The following NBDY variants were observed in gnomAD, a reference collection of about 807,000 sequenced individuals.
NBDY encodes negative regulator of P-body association.
At chrX:56,751,402 G>A (rs935756867) in intron 2 of NBDY, among the ~76,000 whole-genome samples, 2 of 111,472 alleles carry the variant, frequency 1.8e-5, no homozygotes, top group African/African-American at 3.3e-5. Flanking sequence ...ACAATAACTT[G>A]GTGAATGTAC....
Position 56,804,180 on chromosome X carries a change from C to T in NBDY, c.*167-13140C>T, listed in dbSNP as rs561493868. Among the ~76,000 whole-genome samples the T allele has an allele frequency of 8.8e-4, 99 of 112,077 alleles. 1 individual carries two copies. The South Asian group carries it at 0.036, about 41-fold the overall frequency. ...CCAGGCTGCCTGCTTGTGAGCACTA[C>T]GCTTGTAAATAGGGAACACACTGTT... On this transcript the variant is annotated intron_variant, in intron 2 of 2. Transcript: ENST00000374922.
At position 56,817,555 on chromosome X, in the gene NBDY, A is replaced by G. The variant is rs746651018; in HGVS notation, c.*402A>G. ...TTCCTATAAATCCATTAAGGCCCCA[A>G]TAAAGTTTGTCTCTAAGCGCTGTGT... On this transcript the variant is annotated 3_prime_UTR_variant, in exon 3 of 3. Transcript: ENST00000374922. 1 of 112,038 alleles carries G rather than the reference A, an allele frequency of 8.9e-6. No homozygotes were observed. Among genetic ancestry groups the G allele is most frequent in the Non-Finnish European group, 1.9e-5 (1 of 53,253 alleles). 9.2% of individuals were successfully genotyped at this position (112,038 alleles called of 1,213,427 possible). A position where few individuals can be genotyped will look rare whatever the true frequency, so the allele number is the denominator to read the frequency against.
chrX:56,783,064 A>G (rs1418041525), intron 2 of NBDY, among the ~76,000 whole-genome samples: 1 of 112,314 alleles, frequency 8.9e-6, no homozygotes, highest in Non-Finnish European at 1.9e-5. Flanking sequence ...CACACACAAC[A>G]CCTCAGGCAC....
At chrX:56,808,706 C>T (rs918913544) in intron 2 of NBDY, among the ~76,000 whole-genome samples, 1 of 111,725 alleles carries the variant, frequency 9.0e-6, no homozygotes, top group Non-Finnish European at 1.9e-5. Flanking sequence ...TTTCAAAAAA[C>T]GAGCTCCTGG....
chrX:56,742,966 T>C (rs2069538679), intron 2 of NBDY, among the ~76,000 whole-genome samples: 1 of 111,538 alleles, frequency 9.0e-6, no homozygotes, highest in African/African-American at 3.3e-5. Context: ...GGGTCTGTTA[T>C]ATATGGGTTT....
At chrX:56,803,248 G>T (rs1315330260) in intron 2 of NBDY, among the ~76,000 whole-genome samples, 1 of 111,841 alleles carries the variant, frequency 8.9e-6, no homozygotes, top group Non-Finnish European at 1.9e-5. Context: ...GGCAGGAAGG[G>T]GCGGCCCTCC....
intron 2 of NBDY, among the ~76,000 whole-genome samples, chrX:56,751,088 A>T (rs2069582593): frequency 9.0e-6 from 1 of 110,615 alleles, no homozygotes; most frequent in South Asian, 3.8e-4. Context: ...ATCAAGCCTT[A>T]TCTGTTGCCA....
At chrX:56,815,387 G>A (rs1331374771) in intron 2 of NBDY, among the ~76,000 whole-genome samples, 2 of 111,290 alleles carry the variant, frequency 1.8e-5, no homozygotes, top group Non-Finnish European at 3.8e-5. Context: ...TTAAAAAATT[G>A]TCCACTTTTA....
In NBDY at chrX:56,791,426, T is replaced by G. The variant is rs370126034; in HGVS notation, c.*167-25894T>G. On this transcript the variant is annotated intron_variant, in intron 2 of 2. Coordinates refer to ENST00000374922, the MANE Select transcript of NBDY (RefSeq NM_001348129.2). ...CCCCATTTATTATCTTCCTCTTTTT[T>G]GGGGGGTCCTTCCCTGCCTTGGCCT... Among the ~76,000 whole-genome samples, 132 of 111,807 alleles carry G rather than the reference T, an allele frequency of 1.2e-3. 1 individual carries two copies. Among genetic ancestry groups the G allele is most frequent in the African/African-American group, 4.0e-3 (122 of 30,772 alleles).
At chrX:56,763,028 G>A (rs1334930755) in intron 2 of NBDY, among the ~76,000 whole-genome samples, 1 of 112,376 alleles carries the variant, frequency 8.9e-6, no homozygotes, top group African/African-American at 3.2e-5. Flanking sequence ...GGTTCTAAAT[G>A]TGCAAAGGGA....
At chrX:56,783,662 CGCGG>C (rs1482661025) in intron 2 of NBDY, among the ~76,000 whole-genome samples, 1 of 112,359 alleles carries the variant, frequency 8.9e-6, no homozygotes, top group Non-Finnish European at 1.9e-5. Flanking sequence ...CGCACATTTT[CGCGG>C]ATCTCTGTGC....
At chrX:56,757,953 G>A (rs2045384383) in intron 2 of NBDY, among the ~76,000 whole-genome samples, 1 of 111,389 alleles carries the variant, frequency 9.0e-6, no homozygotes, top group African/African-American at 3.3e-5. Flanking sequence ...CTCATAAACA[G>A]GAAAACAAGC....
At chrX:56,816,888 T>C (rs984766780) in intron 2 of NBDY, among the ~76,000 whole-genome samples, 1 of 111,321 alleles carries the variant, frequency 9.0e-6, no homozygotes, top group African/African-American at 3.3e-5. Flanking sequence ...TATTTATTCA[T>C]GTATTATTTG....
At chrX:56,791,817 C>T (rs957543372) in intron 2 of NBDY, among the ~76,000 whole-genome samples, 1 of 83,764 alleles carries the variant, frequency 1.2e-5, no homozygotes, top group African/African-American at 4.3e-5. Context: ...TCTTGCTCCT[C>T]CTCTTCCAGT....
At chrX:56,761,061 A>G (rs1217515674) in intron 2 of NBDY, among the ~76,000 whole-genome samples, 2 of 112,569 alleles carry the variant, frequency 1.8e-5, no homozygotes, top group Non-Finnish European at 3.8e-5. Flanking sequence ...ATAAGAATGC[A>G]GGAAGATCTG....
At chrX:56,751,191 A>C (rs972666683) in intron 2 of NBDY, among the ~76,000 whole-genome samples, 1 of 109,614 alleles carries the variant, frequency 9.1e-6, no homozygotes, top group Non-Finnish European at 1.9e-5. Flanking sequence ...CTATTATTTC[A>C]TGCAGATTTC....
At chrX:56,739,268 G>GTATA (rs1187024719) in intron 2 of NBDY, among the ~76,000 whole-genome samples, 2 of 40,313 alleles carry the variant, frequency 5.0e-5, no homozygotes, top group African/African-American at 1.9e-4. Context: ...ATATATGTAT[G>GTATA]TATATATATA....
chrX:56,789,664 C>A (rs2146732287), intron 2 of NBDY, among the ~76,000 whole-genome samples: 1 of 111,468 alleles, frequency 9.0e-6, no homozygotes, highest in South Asian at 3.8e-4. Flanking sequence ...CTGTTCGAGG[C>A]CTTCAGCTAC....
intron 2 of NBDY, among the ~76,000 whole-genome samples, chrX:56,784,052 G>T (rs1216834313): frequency 9.0e-6 from 1 of 111,650 alleles, no homozygotes; most frequent in African/African-American, 3.3e-5. Flanking sequence ...GTGGCATGGT[G>T]GGGGTAGGTC....
Sources: gnomAD v4.1 joint callset for allele counts (sites outside exome capture counted in the v4.1 genomes callset) on GRCh38, gnomAD v4.1.1 for gene constraint, MANE v1.5 for transcripts, NCBI Gene and HGNC (gene_info 2026-07-23, HGNC 2026-07-21) for gene names.